Variants in STAG1 observed in about 807,000 individuals in gnomAD.
STAG1 encodes the protein cohesin subunit SA-1.
A neutral mutation model predicts 170.9 loss-of-function variants in STAG1; 26 were observed. The observed-to-expected ratio is 0.15, with a 90% CI of 0.11 to 0.21. The LOEUF (loss-of-function observed/expected upper bound fraction) is 0.21, where lower values mean the gene tolerates loss of function less well. Ranked by LOEUF, STAG1 falls within the 10% of genes least tolerant of loss-of-function variation. The probability of loss-of-function intolerance (pLI) is 1.00; values close to 1 mark genes in which losing one functional copy is unlikely to be tolerated. For missense variants in STAG1, 964 were observed against 1,509.5 expected (o/e 0.64, Z 5.99); for synonymous variants, 514 against 497.7 (o/e 1.03, Z -0.44).
intron 1 of STAG1, among the ~76,000 whole-genome samples, chr3:136,713,173 T>C (rs1457505710): frequency 1.3e-5 from 2 of 152,080 alleles, no homozygotes; most frequent in Admixed American, 1.3e-4. Context: ...CCATCAAGAA[T>C]AGAATGGATA....
rs80012032 is a variant in STAG1 at position 136,351,493 on chromosome 3, T to C, written c.3066-2130A>G. ...ACATATCCTAAGCTGCATTCACTCA[T>C]GGGCAAAAAAAGGGAAGGGAATGAG... On this transcript the variant is annotated intron_variant, in intron 28 of 33. Transcript: ENST00000383202. Among the ~76,000 whole-genome samples, 22 of 152,154 alleles carry C rather than the reference T, an allele frequency of 1.4e-4. No homozygotes were observed. In the East Asian group the frequency reaches 1.7e-3, roughly 12 times the overall value.
intron 3 of STAG1, among the ~76,000 whole-genome samples, chr3:136,607,516 C>T (rs1467621737): frequency 6.6e-6 from 1 of 152,150 alleles, no homozygotes; most frequent in Non-Finnish European, 1.5e-5. Flanking sequence ...GATTCTTCTG[C>T]CTCAGCCTCC....
At chr3:136,432,981 T>G (rs1176770161) in intron 16 of STAG1, among the ~76,000 whole-genome samples, 2 of 152,326 alleles carry the variant, frequency 1.3e-5, no homozygotes, top group African/African-American at 2.4e-5. Flanking sequence ...ATGTGTGTTT[T>G]TTTTTTAATC....
chr3:136,623,324 CCTG>C (rs1939949110), intron 2 of STAG1, 76 bp from the exon 3 acceptor site: 1 of 1,316,748 alleles, frequency 7.6e-7, no homozygotes, highest in Admixed American at 1.8e-5. Context: ...TTCCTTACCA[CCTG>C]CTATATGGCT....
At chr3:136,365,523 C>G (rs1173649999) in intron 25 of STAG1, among the ~76,000 whole-genome samples, 1 of 152,076 alleles carries the variant, frequency 6.6e-6, no homozygotes, top group African/African-American at 2.4e-5. Flanking sequence ...TCCACAAATG[C>G]CTGGGATCCA....
intron 13 of STAG1, among the ~76,000 whole-genome samples, chr3:136,455,353 A>T (rs2089078166): frequency 6.6e-6 from 1 of 152,320 alleles, no homozygotes. Flanking sequence ...AGAAACAGTC[A>T]TTTCACACGG....
At chr3:136,615,905 C>T (rs1939570543) in intron 3 of STAG1, among the ~76,000 whole-genome samples, 1 of 151,910 alleles carries the variant, frequency 6.6e-6, no homozygotes, top group Admixed American at 6.6e-5. Context: ...TAAAGTAAGC[C>T]CTAAAGATAC....
At position 136,396,470 on chromosome 3, in the gene STAG1, C is replaced by T. The variant is rs375905800; in HGVS notation, c.2277+2279G>A. ...TCTCCTGACCTTGTGATCCGCCCAC[C>T]TCGGCCTCCCAAAGTGTTGGGATTA... is the stretch of plus-strand genomic sequence containing the variant. On this transcript the variant is annotated intron_variant, in intron 22 of 33. Coordinates refer to ENST00000383202, the MANE Select transcript of STAG1 (RefSeq NM_005862.3). Among the ~76,000 whole-genome samples, 76 of 149,432 alleles carry T rather than the reference C, an allele frequency of 5.1e-4. No individual in the cohort carries two copies. The East Asian group carries it at 0.013, about 26-fold the overall frequency.
chr3:136,567,441 G>A (rs1202524411), intron 5 of STAG1, among the ~76,000 whole-genome samples: 1 of 152,128 alleles, frequency 6.6e-6, no homozygotes, highest in African/African-American at 2.4e-5. Context: ...TGCATAATAT[G>A]TTACCTTTTG....
intron 9 of STAG1, among the ~76,000 whole-genome samples, chr3:136,497,268 C>T (rs1443652316): frequency 1.3e-5 from 2 of 151,910 alleles, no homozygotes; most frequent in African/African-American, 4.8e-5. Context: ...CAAAGGTAGA[C>T]AGTGATATTC....
At chr3:136,563,768 C>A (rs1380765864) in intron 5 of STAG1, among the ~76,000 whole-genome samples, 1 of 151,992 alleles carries the variant, frequency 6.6e-6, no homozygotes, top group African/African-American at 2.4e-5. Context: ...TGCCTGTAAT[C>A]CCAGCACTTT....
intron 1 of STAG1, among the ~76,000 whole-genome samples, chr3:136,709,597 T>C (rs111851469): frequency 1.3e-5 from 2 of 151,756 alleles, no homozygotes. Flanking sequence ...TAGCTAGGCA[T>C]GGTGGCATAC....
At chr3:136,432,514 T>G (rs1035104369) in intron 16 of STAG1, among the ~76,000 whole-genome samples, 77 of 100,422 alleles carry the variant, frequency 7.7e-4, no homozygotes, top group African/African-American at 1.0e-3. Context: ...TCTTTTTTTT[T>G]GGGGGGGGGG....
At chr3:136,346,248 A>G (rs935294405) in intron 29 of STAG1, among the ~76,000 whole-genome samples, 1 of 152,362 alleles carries the variant, frequency 6.6e-6, no homozygotes, top group African/African-American at 2.4e-5. Context: ...TGTAGTACTT[A>G]GCACAGTTCT....
At chr3:136,475,449 CA>C (rs1559827102) in intron 10 of STAG1, among the ~76,000 whole-genome samples, 2 of 152,110 alleles carry the variant, frequency 1.3e-5, no homozygotes, top group African/African-American at 4.8e-5. Flanking sequence ...GCCCAGCCAA[CA>C]GGTTACTCTT....
intron 28 of STAG1, among the ~76,000 whole-genome samples, chr3:136,355,899 C>T (rs979578321): frequency 6.6e-6 from 1 of 151,948 alleles, no homozygotes; most frequent in Non-Finnish European, 1.5e-5. Flanking sequence ...TGCAACATAC[C>T]AAAACTTACA....
chr3:136,569,232 C>T (rs1937181129), intron 4 of STAG1, among the ~76,000 whole-genome samples: 1 of 151,628 alleles, frequency 6.6e-6, no homozygotes, highest in South Asian at 2.1e-4. Context: ...AAGCATAATC[C>T]ACCAGTAGTG....
chr3:136,611,582 C>T (rs1488755870), intron 3 of STAG1, among the ~76,000 whole-genome samples: 2 of 151,774 alleles, frequency 1.3e-5, no homozygotes, highest in Non-Finnish European at 2.9e-5. Flanking sequence ...TGCAACCTCC[C>T]CTCCCAAGCT....
chr3:136,612,960 A>T (rs1213337469), intron 3 of STAG1, among the ~76,000 whole-genome samples: 2 of 152,274 alleles, frequency 1.3e-5, no homozygotes, highest in East Asian at 3.9e-4. Flanking sequence ...AAATTGCCAA[A>T]CTGTCTTTCA....
Sources: allele counts gnomAD v4.1 joint callset (sites outside exome capture counted in the v4.1 genomes callset), GRCh38; gene constraint gnomAD v4.1.1; transcripts MANE v1.5; gene names NCBI Gene and HGNC (gene_info 2026-07-23, HGNC 2026-07-21).